USP32: variants seen among roughly 807,000 people sequenced by gnomAD.
The protein encoded by USP32 is ubiquitin carboxyl-terminal hydrolase 32.
Under a neutral mutation model 204.8 loss-of-function variants are expected in USP32, and 59 were observed. The observed-to-expected ratio is 0.29, with a 90% CI of 0.23 to 0.36. The LOEUF is 0.36. Ranked by LOEUF, USP32 falls within the 10% of genes least tolerant of loss-of-function variation. The probability of loss-of-function intolerance (pLI) is 1.00; values close to 1 mark genes in which losing one functional copy is unlikely to be tolerated. For synonymous variants in USP32, 517 were observed against 678.4 expected, an observed-to-expected ratio of 0.76 and a Z score of 3.70; for missense variants, 1,160 against 1,946.4, an observed-to-expected ratio of 0.60 and a Z score of 7.60.
At chr17:60,402,176 C>A (rs1189171881) in intron 1 of USP32, among the ~76,000 whole-genome samples, 1 of 151,880 alleles carries the variant, frequency 6.6e-6, no homozygotes, top group African/African-American at 2.4e-5. Flanking sequence ...TAGTGGTTGT[C>A]CCTTCAAAAG....
rs1567863824 is a variant in USP32, at chr17:60,344,456, T to C, written c.186+1025A>G. Among the ~76,000 whole-genome samples the C allele has an allele frequency of 2.0e-5, 3 of 152,108 alleles. No homozygotes were observed. The South Asian group carries it at 6.2e-4, about 32-fold the overall frequency. On this transcript the variant is annotated intron_variant, in intron 2 of 33. Coordinates refer to ENST00000300896, the MANE Select transcript of USP32 (RefSeq NM_032582.4). ...GTTTTTATTATCTTATAAAATTTAT[T>C]CTTTTTTTCTTTTGAGACAGGGTCT...
intron 28 of USP32, among the ~76,000 whole-genome samples, chr17:60,192,199 G>A (rs1174260504): frequency 2.0e-5 from 3 of 152,008 alleles, no homozygotes; most frequent in African/African-American, 4.8e-5. Context: ...GCTGAGGCAG[G>A]AGAATTGCTT....
chr17:60,227,582 CTTTT>C (rs111424514), intron 12 of USP32, among the ~76,000 whole-genome samples: 1 of 139,710 alleles, frequency 7.2e-6, no homozygotes. Context: ...TTTTTCTTTT[CTTTT>C]TTTTTTTTTT....
chr17:60,316,250 CA>C (rs139834899), intron 2 of USP32: 22,828 of 143,156 alleles, frequency 0.16, 3,365 homozygotes, highest in African/African-American at 0.4. Context: ...ATTTCATTCT[CA>C]AAAAAAAAAA....
chr17:60,341,478 G>C (rs562481833), intron 2 of USP32, among the ~76,000 whole-genome samples: 1 of 152,072 alleles, frequency 6.6e-6, no homozygotes, highest in Admixed American at 6.5e-5. Context: ...AATTCTTTAG[G>C]AATGTTGAAT....
At chr17:60,405,042 T>C (rs759869221) in intron 1 of USP32, among the ~76,000 whole-genome samples, 9 of 152,102 alleles carry the variant, frequency 5.9e-5, no homozygotes, top group Middle Eastern at 6.8e-3. Context: ...GCCGGTATGG[T>C]GCTGCACAGC....
chr17:60,190,564 C>T lies in USP32; in HGVS notation c.3641G>A (p.Arg1214Lys), dbSNP rs1567753081. Residue 1214 changes from arginine to lysine, a missense_variant and splice_region_variant, in exon 29 of 34, where the codon AGG (arginine) becomes AAG (lysine). Physicochemically the swap from Arg to Lys is conservative, Grantham distance 26. This residue lies in a region of USP32 where 160 missense variants were observed against 322.5 expected (regional missense o/e 0.50). Transcript: ENST00000300896. ...LHLRYQTSQE[R>K]VVDEHESVEQ... ...TTTATGGTGGCCCTAAATACTTACC[C>T]TTTCCTGGGATGTTTGATAGCGAAG... 2 of 1,575,380 alleles carry T rather than the reference C, an allele frequency of 1.3e-6. No individual in the cohort carries two copies. Among genetic ancestry groups the T allele is most frequent in the Non-Finnish European group, 8.6e-7 (1 of 1,167,708 alleles).
intron 2 of USP32, among the ~76,000 whole-genome samples, chr17:60,301,966 TAC>T (rs897492216): frequency 2.0e-5 from 3 of 152,142 alleles, no homozygotes; most frequent in African/African-American, 7.2e-5. Flanking sequence ...GTGAAAGTGA[TAC>T]ACATTCAGTA....
chr17:60,370,131 C>T (rs941345869), intron 1 of USP32, among the ~76,000 whole-genome samples: 11 of 151,948 alleles, frequency 7.2e-5, no homozygotes, highest in African/African-American at 2.7e-4. Flanking sequence ...CTGCATCCTC[C>T]ACCTCCTGGG....
At chr17:60,243,924 A>G (rs1163751079) in intron 11 of USP32, among the ~76,000 whole-genome samples, 1 of 151,830 alleles carries the variant, frequency 6.6e-6, no homozygotes, top group Non-Finnish European at 1.5e-5. Context: ...TTTTCTTAAC[A>G]GTAAAGTGAT....
At chr17:60,385,604 G>A (rs1248392171) in intron 1 of USP32, among the ~76,000 whole-genome samples, 1 of 152,066 alleles carries the variant, frequency 6.6e-6, no homozygotes, top group Non-Finnish European at 1.5e-5. Context: ...CACTTTGGGA[G>A]GCCAGCGTAG....
intron 2 of USP32, among the ~76,000 whole-genome samples, chr17:60,306,794 C>G (rs1228984918): frequency 6.6e-6 from 1 of 151,978 alleles, no homozygotes; most frequent in East Asian, 1.9e-4. Context: ...CCTAAAGATT[C>G]CACCAAAAAA....
intron 1 of USP32, among the ~76,000 whole-genome samples, chr17:60,418,396 GT>G (rs569143215): frequency 0.019 from 2,270 of 118,426 alleles, 24 homozygotes; most frequent in African/African-American, 0.03. Flanking sequence ...CCTGGCCTCT[GT>G]TTTTTTTTTT....
At chr17:60,394,600 T>TA (rs1435577914), upstream of USP32, among the ~76,000 whole-genome samples, 1 of 152,232 alleles carries the variant, frequency 6.6e-6, no homozygotes, top group Non-Finnish European at 1.5e-5. Flanking sequence ...TTCTAAGAGA[T>TA]ACATTGTTGT....
At chr17:60,265,003 T>C (rs990979709) in intron 9 of USP32, among the ~76,000 whole-genome samples, 5 of 152,162 alleles carry the variant, frequency 3.3e-5, no homozygotes, top group African/African-American at 1.2e-4. Context: ...CCAACTTCTA[T>C]CACTATTTGT....
At chr17:60,243,578 C>T (rs1465522561) in intron 11 of USP32, among the ~76,000 whole-genome samples, 11 of 152,258 alleles carry the variant, frequency 7.2e-5, no homozygotes, top group Admixed American at 6.5e-4. Flanking sequence ...TTTATGTACA[C>T]TGAAATGTGA....
intron 3 of USP32, 167 bp downstream of exon 3, chr17:60,301,426 AATTTAT>A: frequency 6.3e-6 from 3 of 477,404 alleles, no homozygotes; most frequent in Non-Finnish European, 1.1e-5. Context: ...CTGTAATTTT[AATTTAT>A]ATTTCTCTAA....
chr17:60,388,323 C>CACACACACACAT (rs1396287994), intron 1 of USP32, among the ~76,000 whole-genome samples: 2 of 150,944 alleles, frequency 1.3e-5, no homozygotes, highest in African/African-American at 4.9e-5. Flanking sequence ...CACACACACA[C>CACACACACACAT]ATCGCCTTAT....
chr17:60,217,289 TTA>T (rs2085127627), intron 16 of USP32, among the ~76,000 whole-genome samples: 2 of 151,996 alleles, frequency 1.3e-5, no homozygotes, highest in African/African-American at 4.8e-5. Flanking sequence ...GCCTCTCATG[TTA>T]TCTTTCTTTT....
Sources: allele counts gnomAD v4.1 joint callset (sites outside exome capture counted in the v4.1 genomes callset), GRCh38; gene constraint gnomAD v4.1.1; regional missense constraint gnomAD v4.1.1; transcripts MANE v1.5; gene names NCBI Gene and HGNC (gene_info 2026-07-23, HGNC 2026-07-21).